DSCAM: variants seen among roughly 807,000 people sequenced by gnomAD.
DSCAM encodes the protein DS cell adhesion molecule.
A neutral mutation model predicts 217.7 loss-of-function variants in DSCAM; 47 were observed. That is an observed-to-expected ratio of 0.22 (90% confidence interval 0.17 to 0.28). The LOEUF is 0.28. DSCAM is among the 10% of genes least tolerant of loss of function. The probability of loss-of-function intolerance (pLI) is 1.00; values close to 1 mark genes in which losing one functional copy is unlikely to be tolerated. For missense variants in DSCAM, 2,080 were observed against 2,618.3 expected (o/e 0.79, Z 4.49); for synonymous variants, 1,056 against 1,015.3 (o/e 1.04, Z -0.76).
At chr21:40,355,632 C>A (rs527514940) in intron 4 of DSCAM, among the ~76,000 whole-genome samples, 4 of 152,298 alleles carry the variant, frequency 2.6e-5, no homozygotes, top group African/African-American at 9.6e-5. Flanking sequence ...TGAAACAATA[C>A]CCTTGCATTC....
chr21:40,780,419 G>GTATATATATATA (rs1417914986), intron 1 of DSCAM, among the ~76,000 whole-genome samples: 15 of 44,716 alleles, frequency 3.4e-4, no homozygotes, highest in African/African-American at 2.7e-3. Flanking sequence ...GTGTGTGTGT[G>GTATATATATATA]TGTGTATATA....
At chr21:40,806,820 T>A (rs2091792029) in intron 1 of DSCAM, among the ~76,000 whole-genome samples, 1 of 152,166 alleles carries the variant, frequency 6.6e-6, no homozygotes, top group Non-Finnish European at 1.5e-5. Flanking sequence ...GGGACATGGA[T>A]GAAGCTGGAA....
chr21:40,578,720 T>G, intron 3 of DSCAM, among the ~76,000 whole-genome samples: 1 of 152,176 alleles, frequency 6.6e-6, no homozygotes, highest in East Asian at 1.9e-4. Context: ...GGTCTGCGGC[T>G]TCACTCCTGA....
chr21:40,174,096 G>T (rs1352082997), intron 15 of DSCAM, among the ~76,000 whole-genome samples: 1 of 152,040 alleles, frequency 6.6e-6, no homozygotes, highest in African/African-American at 2.4e-5. Context: ...GACACACTTC[G>T]GGTCCATTAA....
At chr21:40,260,297 C>T (rs2073432637) in intron 11 of DSCAM, among the ~76,000 whole-genome samples, 1 of 152,144 alleles carries the variant, frequency 6.6e-6, no homozygotes, top group Non-Finnish European at 1.5e-5. Context: ...AATCAATTGG[C>T]TTAAGGGTGT....
At chr21:40,714,899 A>T (rs1279897057) in intron 1 of DSCAM, among the ~76,000 whole-genome samples, 8 of 152,234 alleles carry the variant, frequency 5.3e-5, no homozygotes, top group Non-Finnish European at 1.5e-5. Flanking sequence ...TGGAAACTTT[A>T]AAAGGTGACT....
chr21:40,386,616 C>T (rs1253163725), intron 3 of DSCAM, among the ~76,000 whole-genome samples: 5 of 152,228 alleles, frequency 3.3e-5, no homozygotes, highest in African/African-American at 4.8e-5. Flanking sequence ...GTGGATCTGG[C>T]ACCACCTTAA....
At chr21:40,639,935 C>G (rs889794532) in intron 3 of DSCAM, among the ~76,000 whole-genome samples, 3 of 152,268 alleles carry the variant, frequency 2.0e-5, no homozygotes, top group South Asian at 4.1e-4. Context: ...TTGTTCTACA[C>G]GGGCTCCATA....
intron 3 of DSCAM, among the ~76,000 whole-genome samples, chr21:40,608,704 A>G (rs143180250): frequency 8.7e-4 from 133 of 152,322 alleles, no homozygotes; most frequent in African/African-American, 3.1e-3. Context: ...TTAATGGAAC[A>G]CAATTTGGGA....
intron 24 of DSCAM, among the ~76,000 whole-genome samples, chr21:40,080,909 C>T (rs1454887324): frequency 6.6e-6 from 1 of 152,148 alleles, no homozygotes; most frequent in Non-Finnish European, 1.5e-5. Context: ...ACAATTCATT[C>T]CCCCACATGA....
At chr21:40,809,796 C>T (rs1262136846) in intron 1 of DSCAM, among the ~76,000 whole-genome samples, 3 of 152,192 alleles carry the variant, frequency 2.0e-5, no homozygotes, top group Non-Finnish European at 2.9e-5. Flanking sequence ...CAAAAAGATG[C>T]TTTAAAGAAA....
At chr21:40,452,584 A>G (rs1278193273) in intron 3 of DSCAM, among the ~76,000 whole-genome samples, 3 of 152,116 alleles carry the variant, frequency 2.0e-5, no homozygotes, top group African/African-American at 7.2e-5. Flanking sequence ...TATCAAGCAA[A>G]CTTCTATATT....
chr21:40,020,530 TGA>T (rs140985038), intron 32 of DSCAM, among the ~76,000 whole-genome samples: 36 of 148,646 alleles, frequency 2.4e-4, no homozygotes, highest in South Asian at 1.3e-3. Flanking sequence ...TGTGTGTGTG[TGA>T]GAGAGAGAGA....
chr21:40,098,833 T>C (rs937369320), intron 20 of DSCAM, among the ~76,000 whole-genome samples: 6 of 152,180 alleles, frequency 3.9e-5, no homozygotes, highest in African/African-American at 1.4e-4. Flanking sequence ...TAATCTAGCA[T>C]GCACGTGCAT....
intron 1 of DSCAM, among the ~76,000 whole-genome samples, chr21:40,820,061 A>T (rs541448926): frequency 6.6e-6 from 1 of 152,244 alleles, no homozygotes; most frequent in East Asian, 1.9e-4. Flanking sequence ...GAACTATAAA[A>T]AGCTCTTAGG....
intron 1 of DSCAM, among the ~76,000 whole-genome samples, chr21:40,801,670 G>T (rs997705610): frequency 6.6e-6 from 1 of 152,188 alleles, no homozygotes; most frequent in Non-Finnish European, 1.5e-5. Flanking sequence ...GCCCTAGTTA[G>T]GCTCAAGAGA....
At chr21:40,512,475 T>C (rs1393304797) in intron 3 of DSCAM, among the ~76,000 whole-genome samples, 1 of 152,050 alleles carries the variant, frequency 6.6e-6, no homozygotes, top group African/African-American at 2.4e-5. Context: ...GAGCGAAACG[T>C]GGTGATCCTC....
chr21:40,814,709 T>C (rs2091866409), intron 1 of DSCAM, among the ~76,000 whole-genome samples: 1 of 152,182 alleles, frequency 6.6e-6, no homozygotes, highest in Non-Finnish European at 1.5e-5. Context: ...TGTGATTGAC[T>C]TGGAACCACA....
chr21:40,224,213 T>C (rs954078002), intron 11 of DSCAM, among the ~76,000 whole-genome samples: 3 of 152,236 alleles, frequency 2.0e-5, no homozygotes, highest in African/African-American at 4.8e-5. Flanking sequence ...TTTCATTAAC[T>C]GGTTGATTAT....
Sources: gnomAD v4.1 joint callset for allele counts (sites outside exome capture counted in the v4.1 genomes callset) on GRCh38, gnomAD v4.1.1 for gene constraint, MANE v1.5 for transcripts, NCBI Gene and HGNC (gene_info 2026-07-23, HGNC 2026-07-21) for gene names.